Variants in CLVS1 observed in about 807,000 individuals in gnomAD.
CLVS1 encodes the protein clavesin 1, also known as clavesin-1.
In CLVS1, 10 loss-of-function variants were observed where a neutral mutation model predicts 33.1. That is an observed-to-expected ratio of 0.30 (90% CI 0.19 to 0.51). CLVS1 has a LOEUF of 0.51. Ranked by LOEUF, CLVS1 falls within the 20% of genes least tolerant of loss-of-function variation. CLVS1 has a pLI of 0.97. For synonymous variants in CLVS1, 163 were observed against 166.1 expected (o/e 0.98, Z 0.14); for missense variants, 343 against 433.4 (o/e 0.79, Z 1.85).
At chr8:61,168,705 A>G (rs1486083615) in intron 2 of CLVS1, among the ~76,000 whole-genome samples, 1 of 152,220 alleles carries the variant, frequency 6.6e-6, no homozygotes, top group Non-Finnish European at 1.5e-5. Context: ...TGTGTTTTGA[A>G]GCTCTGCAAG....
the CLVS1 span, among the ~76,000 whole-genome samples, chr8:61,016,789 T>A: frequency 1.3e-5 from 2 of 152,286 alleles, no homozygotes; most frequent in East Asian, 3.9e-4. Context: ...GTGGTGCATA[T>A]GGGAGAACTG....
intron 1 of CLVS1, among the ~76,000 whole-genome samples, chr8:61,290,091 T>A (rs1339704250): frequency 6.6e-6 from 1 of 152,138 alleles, no homozygotes; most frequent in African/African-American, 2.4e-5. Context: ...GCTCAGAAAA[T>A]TTTTAAGAGT....
chr8:61,325,205 TACAC>T (rs150282296), intron 2 of CLVS1, among the ~76,000 whole-genome samples: 1 of 150,246 alleles, frequency 6.7e-6, no homozygotes, highest in African/African-American at 2.4e-5. Context: ...TACACACACA[TACAC>T]ACACACACAC....
chr8:60,969,278 T>C, the CLVS1 span, among the ~76,000 whole-genome samples: 5 of 152,204 alleles, frequency 3.3e-5, no homozygotes, highest in Admixed American at 3.3e-4. Flanking sequence ...GAGCTGCAGT[T>C]GTTTCAATAT....
At position 61,450,540 on chromosome 8, in the gene CLVS1, G is replaced by A. The variant is rs13270887; in HGVS notation, c.631-3601G>A. On this transcript the variant is annotated intron_variant, in intron 3 of 5. Coordinates refer to ENST00000325897, the MANE Select transcript of CLVS1 (RefSeq NM_173519.3). ...ACTTTAAAGAATATGCCAACTGTTCGTCATGTAGTAGATACTCATAAATAT... is the reference window on the plus strand; with the variant it reads ...ACTTTAAAGAATATGCCAACTGTTCATCATGTAGTAGATACTCATAAATAT... Among the ~76,000 whole-genome samples, 7 of 152,246 alleles carry A rather than the reference G, an allele frequency of 4.6e-5. No homozygotes were observed. In the East Asian group the frequency reaches 5.8e-4, roughly 13 times the overall value.
chr8:61,434,578 G>A (rs935735367), intron 3 of CLVS1, among the ~76,000 whole-genome samples: 1 of 152,146 alleles, frequency 6.6e-6, no homozygotes, highest in Non-Finnish European at 1.5e-5. Context: ...ATTTGGCTCA[G>A]AAAAGCGGGA....
At chr8:61,466,735 C>T (rs937878250) in intron 5 of CLVS1, among the ~76,000 whole-genome samples, 63 of 152,174 alleles carry the variant, frequency 4.1e-4, no homozygotes, top group African/African-American at 1.5e-3. Flanking sequence ...GCAACCTCCA[C>T]CTCCCGGGTT....
chr8:61,231,305 C>T (rs1213260994), intron 2 of CLVS1, among the ~76,000 whole-genome samples: 2 of 151,978 alleles, frequency 1.3e-5, no homozygotes, highest in Non-Finnish European at 2.9e-5. Flanking sequence ...CACACACACA[C>T]ACTCTAATAT....
chr8:61,143,086 C>T (rs916589962), intron 2 of CLVS1, among the ~76,000 whole-genome samples: 2 of 152,108 alleles, frequency 1.3e-5, no homozygotes, highest in African/African-American at 2.4e-5. Flanking sequence ...TCTTTAGATT[C>T]GAATTAGATT....
At chr8:61,493,881 T>C (rs1804182530) in intron 5 of CLVS1, among the ~76,000 whole-genome samples, 1 of 152,148 alleles carries the variant, frequency 6.6e-6, no homozygotes, top group South Asian at 2.1e-4. Context: ...ACTGAATCAC[T>C]CCTGAGGTTC....
intron 2 of CLVS1, among the ~76,000 whole-genome samples, chr8:61,326,396 T>A (rs1312779237): frequency 6.6e-6 from 1 of 152,174 alleles, no homozygotes; most frequent in Non-Finnish European, 1.5e-5. Context: ...CTGCAAGAGA[T>A]GGAGAGCTTC....
At chr8:61,164,622 T>C (rs904684711) in intron 2 of CLVS1, among the ~76,000 whole-genome samples, 3 of 152,150 alleles carry the variant, frequency 2.0e-5, no homozygotes, top group African/African-American at 7.2e-5. Context: ...ATGAATGACA[T>C]GCCTGGTCAA....
At chr8:60,995,888 C>T in the CLVS1 span, among the ~76,000 whole-genome samples, 6 of 152,276 alleles carry the variant, frequency 3.9e-5, no homozygotes, top group East Asian at 1.9e-4. Context: ...TGGAAATCAT[C>T]GTTCTCAGTA....
At chr8:61,484,925 C>T (rs942356358) in intron 5 of CLVS1, among the ~76,000 whole-genome samples, 208 of 152,228 alleles carry the variant, frequency 1.4e-3, no homozygotes, top group African/African-American at 4.6e-3. Context: ...CTTCCTTACA[C>T]CTTATACAAA....
the CLVS1 span, among the ~76,000 whole-genome samples, chr8:61,029,508 G>T: frequency 4.6e-5 from 7 of 152,214 alleles, no homozygotes; most frequent in African/African-American, 1.7e-4. Flanking sequence ...TTCTGCCCAG[G>T]GATGGTAGAA....
intron 4 of CLVS1, among the ~76,000 whole-genome samples, chr8:61,457,502 G>T (rs997222872): frequency 2.0e-5 from 3 of 151,842 alleles, no homozygotes; most frequent in African/African-American, 7.3e-5. Flanking sequence ...TAACTTGGAG[G>T]TGTGCCTTCT....
At chr8:61,485,281 A>G (rs1402752865) in intron 5 of CLVS1, among the ~76,000 whole-genome samples, 8 of 152,252 alleles carry the variant, frequency 5.3e-5, no homozygotes, top group African/African-American at 1.7e-4. Flanking sequence ...AAAAGTGGAC[A>G]AAGGATATGA....
At chr8:61,304,987 G>A (rs188149318) in intron 2 of CLVS1, among the ~76,000 whole-genome samples, 5 of 152,214 alleles carry the variant, frequency 3.3e-5, no homozygotes, top group East Asian at 3.9e-4. Flanking sequence ...TCTGAACCCC[G>A]ATGGCCAGCT....
chr8:61,217,404 G>A (rs951898093), intron 2 of CLVS1, among the ~76,000 whole-genome samples: 1 of 152,140 alleles, frequency 6.6e-6, no homozygotes, highest in Non-Finnish European at 1.5e-5. Flanking sequence ...AAATGTTCAA[G>A]CTCTTCTAAA....
Sources: allele counts gnomAD v4.1 joint callset (sites outside exome capture counted in the v4.1 genomes callset), GRCh38; gene constraint gnomAD v4.1.1; transcripts MANE v1.5; gene names NCBI Gene and HGNC (gene_info 2026-07-23, HGNC 2026-07-21).